Variants in CDS2 observed in about 807,000 individuals in gnomAD.
The protein encoded by CDS2 is phosphatidate cytidylyltransferase 2.
CDS2 carries 47 observed loss-of-function variants against 59.0 expected under a neutral mutation model. That is an observed-to-expected ratio of 0.80 (90% CI 0.63 to 1.02). The LOEUF is 1.02. Among genes scored for constraint, CDS2 ranks in the 50% least tolerant of loss-of-function variants. The probability of loss-of-function intolerance (pLI) is 0.00; values close to 1 mark genes in which losing one functional copy is unlikely to be tolerated. For synonymous variants in CDS2, 207 were observed against 206.4 expected, an observed-to-expected ratio of 1.00 and a Z score of -0.02; for missense variants, 356 against 558.9, an observed-to-expected ratio of 0.64 and a Z score of 3.66.
At position 5,186,877 on chromosome 20, in the gene CDS2, A is replaced by G. The variant is rs139532636; in HGVS notation, c.981+38A>G. On this transcript the variant is annotated intron_variant, in intron 10 of 12. Transcript: ENST00000460006. ...CACAGGGGGTGAGCGGCCTCCATGG[A>G]CAGTGGCTACAAAGAGAGATCCCCC... 1.2e-5 allele frequency: 20 copies of G among 1,610,218 alleles called. No individual in the cohort carries two copies. In the East Asian group the frequency reaches 4.2e-4, roughly 34 times the overall value.
chr20:5,181,869 T>C (rs2091035834), intron 5 of CDS2, among the ~76,000 whole-genome samples: 1 of 152,222 alleles, frequency 6.6e-6, no homozygotes, highest in South Asian at 2.1e-4. Context: ...ATATGGTAAT[T>C]AGTAAATCTT....
intron 1 of CDS2, among the ~76,000 whole-genome samples, chr20:5,149,912 C>T (rs1600482121): frequency 6.6e-6 from 1 of 151,650 alleles, no homozygotes; most frequent in East Asian, 2.0e-4. Context: ...GATGGGGTTT[C>T]TCATGTTGGT....
At chr20:5,150,696 G>T (rs978319802) in intron 1 of CDS2, among the ~76,000 whole-genome samples, 7 of 152,334 alleles carry the variant, frequency 4.6e-5, no homozygotes, top group African/African-American at 1.7e-4. Context: ...CCCAGCCCCA[G>T]CCTCTGCTGT....
chr20:5,147,981 CA>C (rs1437947824), intron 1 of CDS2, among the ~76,000 whole-genome samples: 1 of 151,956 alleles, frequency 6.6e-6, no homozygotes, highest in East Asian at 1.9e-4. Flanking sequence ...TCTTTTGAGA[CA>C]AAGTCTCACT....
At chr20:5,157,424 G>A (rs2090841789) in intron 1 of CDS2, among the ~76,000 whole-genome samples, 1 of 152,186 alleles carries the variant, frequency 6.6e-6, no homozygotes, top group Non-Finnish European at 1.5e-5. Context: ...GGATCATGAT[G>A]GTAGAGGCAG....
At chr20:5,172,969 C>T (rs1469823290) in intron 1 of CDS2, among the ~76,000 whole-genome samples, 2 of 152,194 alleles carry the variant, frequency 1.3e-5, no homozygotes, top group Non-Finnish European at 2.9e-5. Flanking sequence ...GTGCACCAGT[C>T]CTGGCTCGAG....
chr20:5,127,068 G>A lies in CDS2; in HGVS notation c.-25G>A. 1 of 1,487,874 alleles carries A rather than the reference G, an allele frequency of 6.7e-7. No homozygotes were observed. The highest frequency in any genetic ancestry group is 8.9e-7 in the Non-Finnish European group (1 of 1,119,114). 92.2% of individuals were successfully genotyped at this position (1,487,874 alleles called of 1,614,324 possible). On this transcript the variant is annotated 5_prime_UTR_variant, in exon 1 of 13. Transcript: ENST00000460006. ...CCGGCGGCTTCGCTGCTAGCTCGCG[G>A]CGACGTCGGGCCGATTTTCCCAGGA...
At chr20:5,143,868 G>A (rs758983441) in intron 1 of CDS2, among the ~76,000 whole-genome samples, 124 of 151,230 alleles carry the variant, frequency 8.2e-4, no homozygotes, top group Non-Finnish European at 1.4e-3. Flanking sequence ...GGGTTCAAGC[G>A]ATTTTTGTGC....
intron 1 of CDS2, among the ~76,000 whole-genome samples, chr20:5,147,233 G>A (rs1187391455): frequency 6.6e-6 from 1 of 152,200 alleles, no homozygotes; most frequent in Non-Finnish European, 1.5e-5. Context: ...AAAATGGACA[G>A]ATCTAAGATG....
chr20:5,132,141 A>C (rs2090612745), intron 1 of CDS2, among the ~76,000 whole-genome samples: 2 of 151,158 alleles, frequency 1.3e-5, no homozygotes, highest in Admixed American at 1.3e-4. Context: ...TGTGCCACCC[A>C]GGCTAGAGTG....
At chr20:5,161,627 T>C (rs747448369) in intron 1 of CDS2, among the ~76,000 whole-genome samples, 7 of 152,238 alleles carry the variant, frequency 4.6e-5, no homozygotes, top group Non-Finnish European at 8.8e-5. Context: ...GCACGGTGTT[T>C]ATAGTAGTCT....
intron 9 of CDS2, 93 bp from the exon 10 acceptor site, chr20:5,186,594 C>A: frequency 8.0e-7 from 1 of 1,254,370 alleles, no homozygotes; most frequent in Non-Finnish European, 1.2e-6. Context: ...GGGTACTAGG[C>A]ACCCTCAGGA....
chr20:5,176,841 T>C, intron 4 of CDS2, 96 bp downstream of exon 4: 1 of 841,420 alleles, frequency 1.2e-6, no homozygotes, highest in African/African-American at 1.7e-5. Flanking sequence ...TCACTTGCTA[T>C]AGAGATAAAT....
intron 1 of CDS2, among the ~76,000 whole-genome samples, chr20:5,166,733 C>T (rs1461276292): frequency 2.0e-5 from 3 of 152,124 alleles, no homozygotes; most frequent in East Asian, 1.9e-4. Context: ...AGGGATTGAA[C>T]GAGGTGAGGA....
At chr20:5,161,840 C>G (rs2090878736) in intron 1 of CDS2, among the ~76,000 whole-genome samples, 1 of 152,168 alleles carries the variant, frequency 6.6e-6, no homozygotes, top group Non-Finnish European at 1.5e-5. Context: ...GTTTTAACCA[C>G]TCTATTGGAC....
At chr20:5,136,992 A>C (rs1008677942) in intron 1 of CDS2, among the ~76,000 whole-genome samples, 1 of 152,036 alleles carries the variant, frequency 6.6e-6, no homozygotes, top group Non-Finnish European at 1.5e-5. Flanking sequence ...CTTTGTGTCC[A>C]TGTGTAGCTC....
At chr20:5,161,847 G>A (rs1458609825) in intron 1 of CDS2, among the ~76,000 whole-genome samples, 1 of 152,042 alleles carries the variant, frequency 6.6e-6, no homozygotes, top group East Asian at 1.9e-4. Flanking sequence ...CCACTCTATT[G>A]GACGTACTTG....
chr20:5,154,186 C>G (rs1039235127), intron 1 of CDS2, among the ~76,000 whole-genome samples: 23 of 152,210 alleles, frequency 1.5e-4, no homozygotes, highest in Non-Finnish European at 1.5e-5. Flanking sequence ...TTGTTCCCAG[C>G]CAGCACCTCT....
chr20:5,144,253 A>G (rs1415800322), intron 1 of CDS2, among the ~76,000 whole-genome samples: 2 of 152,216 alleles, frequency 1.3e-5, no homozygotes, highest in African/African-American at 2.4e-5. Context: ...TTCAAGAACT[A>G]CTTTAATGAA....
Sources: gnomAD v4.1 joint callset for allele counts (sites outside exome capture counted in the v4.1 genomes callset) on GRCh38, gnomAD v4.1.1 for gene constraint, MANE v1.5 for transcripts, NCBI Gene and HGNC (gene_info 2026-07-23, HGNC 2026-07-21) for gene names.